ECE1: variants seen among roughly 807,000 people sequenced by gnomAD.
ECE1 encodes the protein endothelin converting enzyme 1.
A neutral mutation model predicts 98.6 loss-of-function variants in ECE1; 35 were observed. The ratio of observed to expected loss-of-function variants is 0.35; its 90% CI spans 0.27 to 0.47. The LOEUF is 0.47. Among genes scored for constraint, ECE1 ranks in the 20% least tolerant of loss-of-function variants. The pLI is 1.00. For missense variants in ECE1, 814 were observed against 1,025.3 expected (o/e 0.79, Z 2.81); for synonymous variants, 394 against 407.1 (o/e 0.97, Z 0.39).
chr1:21,325,762 T>C (rs751058534), intron 1 of ECE1, among the ~76,000 whole-genome samples: 3 of 152,234 alleles, frequency 2.0e-5, no homozygotes, highest in African/African-American at 7.2e-5. Context: ...CAATAAATTG[T>C]GGTTCCCACC....
intron 8 of ECE1, among the ~76,000 whole-genome samples, chr1:21,251,495 A>G (rs1244402883): frequency 6.6e-6 from 1 of 152,238 alleles, no homozygotes; most frequent in Non-Finnish European, 1.5e-5. Context: ...AGCCTGGGCA[A>G]CAGGGCGAAG....
intron 1 of ECE1, among the ~76,000 whole-genome samples, chr1:21,323,297 G>A (rs1444848949): frequency 6.6e-6 from 1 of 152,166 alleles, no homozygotes; most frequent in African/African-American, 2.4e-5. Flanking sequence ...CCGGCGGGGG[G>A]AGGGTTATGG....
chr1:21,331,827 C>T (rs1198458282), intron 1 of ECE1, among the ~76,000 whole-genome samples: 4 of 152,042 alleles, frequency 2.6e-5, no homozygotes, highest in African/African-American at 7.2e-5. Context: ...ACTCAAGAAA[C>T]GCTATTATTA....
At chr1:21,287,433 G>A (rs1322932880) in intron 2 of ECE1, among the ~76,000 whole-genome samples, 2 of 152,230 alleles carry the variant, frequency 1.3e-5, no homozygotes, top group African/African-American at 2.4e-5. Context: ...GGCTGAGGCA[G>A]GAGAATTGCT....
In ECE1 at chr1:21,260,559, C is replaced by G. The variant is rs2098225468; in HGVS notation, c.494-167G>C. 6.6e-6 allele frequency among the ~76,000 whole-genome samples: 1 copy of G among 152,138 alleles called. No individual in the cohort carries two copies. On this transcript the variant is annotated intron_variant, in intron 4 of 18. Coordinates refer to ENST00000374893, the MANE Select transcript of ECE1 (RefSeq NM_001397.3). The surrounding 1 kb of genome is among the most constrained non-coding windows in gnomAD (Gnocchi z 4.3). ...TGCCGTCACCGTGAGTATGTGAGGG[C>G]CCCTGGACAGAGCCTGGCAAGCTGA...
At chr1:21,287,835 C>T (rs1224016975) in intron 2 of ECE1, among the ~76,000 whole-genome samples, 1 of 152,060 alleles carries the variant, frequency 6.6e-6, no homozygotes, top group Non-Finnish European at 1.5e-5. Context: ...TACATACATA[C>T]AAGTGTGAAA....
At chr1:21,298,463 C>A in intron 1 of ECE1, 1 of 310,606 alleles carries the variant, frequency 3.2e-6, no homozygotes, top group Non-Finnish European at 6.5e-6. Flanking sequence ...TTGGCTTTCA[C>A]ATCTTTCCAC....
chr1:21,277,992 C>T (rs1369720554), intron 3 of ECE1, among the ~76,000 whole-genome samples: 3 of 152,174 alleles, frequency 2.0e-5, no homozygotes, highest in East Asian at 1.9e-4. Context: ...CGCAGCGTGG[C>T]CACCCTCACA....
intron 1 of ECE1, among the ~76,000 whole-genome samples, chr1:21,316,269 T>C (rs1638830338): frequency 6.6e-6 from 1 of 152,102 alleles, no homozygotes; most frequent in African/African-American, 2.4e-5. Context: ...TAGTTTTTTG[T>C]TTGTTTGTTT....
intron 17 of ECE1, among the ~76,000 whole-genome samples, chr1:21,224,039 C>T (rs565193332): frequency 6.6e-5 from 10 of 152,166 alleles, no homozygotes; most frequent in African/African-American, 1.4e-4. Context: ...GTCTGGTCCC[C>T]GCATTCCCTA....
intron 1 of ECE1, among the ~76,000 whole-genome samples, chr1:21,304,402 C>T (rs1638553054): frequency 6.6e-6 from 1 of 151,792 alleles, no homozygotes; most frequent in Admixed American, 6.6e-5. Flanking sequence ...GGAGTGGCCA[C>T]CTCCTCTGGA....
intron 8 of ECE1, among the ~76,000 whole-genome samples, chr1:21,254,558 G>T (rs2098217486): frequency 6.6e-6 from 1 of 152,160 alleles, no homozygotes; most frequent in Admixed American, 6.6e-5. Context: ...ATGTGCTCAG[G>T]GCTCCTGTGC....
At position 21,233,924 on chromosome 1, in the gene ECE1, C is replaced by T. The variant is rs1218795463; in HGVS notation, c.1567-263G>A. On this transcript the variant is annotated intron_variant, in intron 13 of 18. Transcript: ENST00000374893. The surrounding 1 kb of genome is among the most constrained non-coding windows in gnomAD (Gnocchi z 4.0). The stretch of plus-strand genomic sequence containing the variant: ...CCATGTTGTCCAATAGAACCTCCTG[C>T]GATGATGGATGTTCTGTGCTCTATG... Among the ~76,000 whole-genome samples, 1 of 152,070 alleles carries T rather than the reference C, an allele frequency of 6.6e-6. No individual in the cohort carries two copies.
chr1:21,338,915 C>T (rs530370004), intron 1 of ECE1, among the ~76,000 whole-genome samples: 1 of 139,292 alleles, frequency 7.2e-6, no homozygotes, highest in African/African-American at 2.9e-5. Context: ...GCCCACCCTC[C>T]TGCCTTCCCA....
chr1:21,257,027 A>AG (rs1479865696), intron 7 of ECE1, among the ~76,000 whole-genome samples: 1 of 152,068 alleles, frequency 6.6e-6, no homozygotes, highest in East Asian at 1.9e-4. Flanking sequence ...GAGGCAGGCC[A>AG]GGGGGAGGGA....
intron 7 of ECE1, among the ~76,000 whole-genome samples, chr1:21,257,207 T>G (rs1346155569): frequency 1.3e-5 from 2 of 152,200 alleles, no homozygotes; most frequent in African/African-American, 4.8e-5. Context: ...TGAAGTTCAG[T>G]ATCTGCAGGG....
intron 4 of ECE1, 52 bp downstream of exon 4, chr1:21,272,647 C>G: frequency 6.2e-7 from 1 of 1,608,112 alleles, no homozygotes; most frequent in Non-Finnish European, 8.5e-7. Flanking sequence ...GCTGGGCCAG[C>G]TGACAGCTCC....
chr1:21,316,453 T>C (rs1412005439), intron 1 of ECE1, among the ~76,000 whole-genome samples: 3 of 151,910 alleles, frequency 2.0e-5, no homozygotes, highest in Non-Finnish European at 4.4e-5. Flanking sequence ...ATTTTTTTTT[T>C]AGTAGAGATG....
chr1:21,221,598 C>G (rs1332091881), intron 18 of ECE1, 149 bp downstream of exon 18: 1 of 857,730 alleles, frequency 1.2e-6, no homozygotes, highest in African/African-American at 1.7e-5. Context: ...CCGTGCATCT[C>G]TCTAATGACA....
Sources: allele counts gnomAD v4.1 joint callset (sites outside exome capture counted in the v4.1 genomes callset), GRCh38; gene constraint gnomAD v4.1.1; non-coding constraint Gnocchi (gnomAD v3.1); transcripts MANE v1.5; gene names NCBI Gene and HGNC (gene_info 2026-07-23, HGNC 2026-07-21).